STK36: variants seen among roughly 807,000 people sequenced by gnomAD.
The protein encoded by STK36 is serine/threonine kinase 36.
A neutral mutation model predicts 142.2 loss-of-function variants in STK36; 116 were observed. That is an observed-to-expected ratio of 0.82 (90% confidence interval 0.70 to 0.95). The LOEUF (loss-of-function observed/expected upper bound fraction) is 0.95. Among genes scored for constraint, STK36 ranks in the 40% least tolerant of loss-of-function variants. The pLI is 0.00. For missense variants in STK36, 1,422 were observed against 1,617.2 expected (o/e 0.88, Z 2.07); for synonymous variants, 619 against 641.7 (o/e 0.96, Z 0.53).
At chr2:218,688,985 C>A in intron 12 of STK36, 109 bp downstream of exon 12, 1 of 1,141,954 alleles carries the variant, frequency 8.8e-7, no homozygotes, top group Non-Finnish European at 1.2e-6. Flanking sequence ...TATTTTCTTT[C>A]CTCCTCTTTC....
At position 218,675,438 on chromosome 2, in the gene STK36, C is replaced by T. The variant is rs1346381376; in HGVS notation, c.399C>T (p.Leu133=). The change falls in exon 5 of 27, where the codon CTC becomes CTT. Residue 133 remains leucine (L), a synonymous_variant. Transcript: ENST00000295709. The part of the protein sequence containing the change: ...HRDMKPQNIL[L]AKGGGIKLCD... ...ATATGAAGCCTCAGAACATCCTCCTCGCCAAGGGTGGTGGCATCAAGCTCT... is the reference window on the plus strand; with the variant it reads ...ATATGAAGCCTCAGAACATCCTCCTTGCCAAGGGTGGTGGCATCAAGCTCT... 8.1e-6 allele frequency: 13 copies of T among 1,613,548 alleles called. No homozygotes were observed. The highest frequency in any genetic ancestry group is 4.5e-5 in the East Asian group (2 of 44,886).
At chr2:218,688,018 TGTG>T (rs1365725945) in intron 11 of STK36, among the ~76,000 whole-genome samples, 1 of 151,924 alleles carries the variant, frequency 6.6e-6, no homozygotes, top group Non-Finnish European at 1.5e-5. Context: ...ATTAGCTAGG[TGTG>T]GTGGTGGGCA....
intron 22 of STK36, 196 bp from the exon 23 acceptor site, chr2:218,696,843 C>G: frequency 1.1e-6 from 1 of 936,146 alleles, no homozygotes; most frequent in Non-Finnish European, 1.7e-6. Context: ...AGCAGACATA[C>G]ACATGAGTTG....
chr2:218,697,713 A>T, intron 24 of STK36, 103 bp downstream of exon 24: 1 of 1,589,924 alleles, frequency 6.3e-7, no homozygotes, highest in South Asian at 1.1e-5. Context: ...AGCAAGAAAG[A>T]TGAGATCAGG....
At position 218,688,856 on chromosome 2, in the gene STK36, G is replaced by T. The variant is rs745946569; in HGVS notation, c.1540G>T (p.Glu514Ter). ...GCTGAGTCTACTCAGGCACAGTCAG[G>T]AGAGCAACAGCCTCCAGCAGGTAAG... Reference protein sequence around the residue: ...LLLSLLRHSQESNSLQQQSWY... With the variant: ...LLLSLLRHSQ The change falls in exon 12 of 27, where the codon GAG (glutamate) becomes TAG (stop). Residue 514 changes from glutamate to a stop codon, truncating the protein, a stop_gained. Coordinates refer to ENST00000295709, the MANE Select transcript of STK36 (RefSeq NM_015690.5). LOFTEE classifies it high-confidence loss of function. 124 of 1,610,838 alleles carry T rather than the reference G, an allele frequency of 7.7e-5. No homozygotes were observed. Among genetic ancestry groups the T allele is most frequent in the Non-Finnish European group, 1.0e-4 (122 of 1,179,168 alleles).
intron 2 of STK36, chr2:218,673,120 A>G (rs923784777): frequency 3.8e-5 from 19 of 505,184 alleles, no homozygotes; most frequent in East Asian, 2.6e-4. Flanking sequence ...ATTATGGACA[A>G]ATTACTTAAC....
At chr2:218,675,661 A>G (rs188178304) in intron 5 of STK36, among the ~76,000 whole-genome samples, 188 bp downstream of exon 5, 144 of 151,560 alleles carry the variant, frequency 9.5e-4, no homozygotes, top group African/African-American at 3.1e-3. Flanking sequence ...AGTAGCTGGG[A>G]TTACAGGCAT....
rs1575144217 is a variant in STK36, at chr2:218,698,511, G to A, written c.3058-91G>A. The A allele has an allele frequency of 5.4e-6, 8 of 1,493,092 alleles. No homozygotes were observed. In the East Asian group the frequency reaches 1.8e-4, roughly 34 times the overall value. 92.5% of individuals were successfully genotyped at this position (1,493,092 alleles called of 1,614,324 possible). A position where few individuals can be genotyped will look rare whatever the true frequency, so the allele number is the denominator to read the frequency against. ...GCTCTCTGTGGCATTTCTCACCATA[G>A]CTTGGCTTTTCTCTCTCCCAGGTTT... On this transcript the variant is annotated intron_variant, in intron 25 of 26. Coordinates refer to ENST00000295709, the MANE Select transcript of STK36 (RefSeq NM_015690.5).
At chr2:218,673,827 C>T in intron 3 of STK36, 52 bp from the exon 4 acceptor site, 2 of 1,614,042 alleles carry the variant, frequency 1.2e-6, no homozygotes, top group East Asian at 2.2e-5. Context: ...AATTTCCCAA[C>T]CTCAGAATGC....
rs1941281059 is a variant in STK36, at chr2:218,697,501, ACCCAGGAG to A, written c.2804_2811del (p.Gln935ProfsTer38). 1.2e-6 allele frequency: 2 copies of A among 1,613,988 alleles called. No individual in the cohort carries two copies. Among genetic ancestry groups the A allele is most frequent in the Non-Finnish European group, 1.7e-6 (2 of 1,180,036 alleles). ...GCTGAGCCTGGCCATGGCCACCTTTACCCAGGAGCCCCAGTTATGCCTGAGCTGCCTGT... is the reference window on the plus strand; with the variant it reads ...GCTGAGCCTGGCCATGGCCACCTTTACCCCAGTTATGCCTGAGCTGCCTGT... On this transcript the variant is annotated frameshift_variant, in exon 24 of 27. Transcript: ENST00000295709. LOFTEE classifies it high-confidence loss of function.
rs142976480 is a variant in STK36 at position 218,694,542 on chromosome 2, A to G, written c.2418A>G (p.Leu806=). The change falls in exon 21 of 27, where the codon CTA becomes CTG. Residue 806 remains leucine (L), a synonymous_variant. Transcript: ENST00000295709. The surrounding 1 kb of genome is among the most constrained non-coding windows in gnomAD (Gnocchi z 4.4). Reference sequence around the variant, plus strand: ...TCCCACAGAGTGCAGCAGCCTGTCTATTGGGACAGCTTGGTCAGCAAGGGG... The same window carrying G: ...TCCCACAGAGTGCAGCAGCCTGTCTGTTGGGACAGCTTGGTCAGCAAGGGG... ...VVSLVSAAAC[L]LGQLGQQGVT... 1,217 of 1,614,156 alleles carry G rather than the reference A, an allele frequency of 7.5e-4. 7 individuals are homozygous for G. The African/African-American group carries it at 9.8e-3, about 13-fold the overall frequency.
intron 26 of STK36, among the ~76,000 whole-genome samples, chr2:218,699,645 T>C (rs1274182293): frequency 1.3e-5 from 2 of 152,102 alleles, no homozygotes; most frequent in African/African-American, 2.4e-5. Context: ...GATGCTGAGA[T>C]AGAGTAGTTT....
At chr2:218,687,564 G>A (rs1005446477) in intron 11 of STK36, among the ~76,000 whole-genome samples, 2 of 152,088 alleles carry the variant, frequency 1.3e-5, no homozygotes, top group Admixed American at 6.6e-5. Flanking sequence ...GCGCTAACAC[G>A]TTTTCCTCCT....
intron 10 of STK36, among the ~76,000 whole-genome samples, chr2:218,683,772 C>A (rs1245666372): frequency 6.6e-6 from 1 of 151,576 alleles, no homozygotes; most frequent in African/African-American, 2.4e-5. Context: ...GTGTGATGTT[C>A]CCCTTCCTGT....
In STK36 at chr2:218,697,859, A is replaced by G. The variant is rs538556100; in HGVS notation, c.2915A>G (p.His972Arg). Residue 972 changes from histidine (H) to arginine (R), a missense_variant, in exon 25 of 27, where the codon CAT becomes CGT. By Grantham distance (29) the His-to-Arg change is conservative (BLOSUM62 0). This residue lies in a region of STK36 where 962 missense variants were observed against 1,167.5 expected (regional missense o/e 0.82). Transcript: ENST00000295709. ...TTCGACATTCCTCTCCTTAGGCCTC[A>G]TGGGTCTGAGTTTCTCCCTGTCGTG... ...SFLNQLRQAPHGSEFLPVVVL... is the reference protein window; with the variant it reads ...SFLNQLRQAPRGSEFLPVVVL... 6.2e-7 allele frequency: 1 copy of G among 1,614,182 alleles called. No homozygotes were observed. Among genetic ancestry groups the G allele is most frequent in the Admixed American group, 1.7e-5 (1 of 60,024 alleles).
At chr2:218,677,296 A>G (rs1202983852) in intron 6 of STK36, among the ~76,000 whole-genome samples, 1 of 152,210 alleles carries the variant, frequency 6.6e-6, no homozygotes, top group Non-Finnish European at 1.5e-5. Flanking sequence ...GAGAACAGCA[A>G]GGGGGAAGTC....
intron 10 of STK36, among the ~76,000 whole-genome samples, chr2:218,680,987 A>G (rs1450682899): frequency 6.6e-6 from 1 of 152,204 alleles, no homozygotes; most frequent in Non-Finnish European, 1.5e-5. Flanking sequence ...AATTTCACAC[A>G]CATGCATAAG....
intron 6 of STK36, among the ~76,000 whole-genome samples, chr2:218,678,352 A>C (rs186573828): frequency 1.2e-3 from 181 of 152,260 alleles, no homozygotes; most frequent in African/African-American, 4.1e-3. Flanking sequence ...TTTATCTGAG[A>C]TGAAAAGGGA....
chr2:218,681,019 T>G (rs895552302), intron 10 of STK36, among the ~76,000 whole-genome samples: 9 of 152,218 alleles, frequency 5.9e-5, no homozygotes, highest in Non-Finnish European at 1.0e-4. Context: ...ATTTATAGTT[T>G]GCTGTTTTTA....
Sources: allele counts gnomAD v4.1 joint callset (sites outside exome capture counted in the v4.1 genomes callset), GRCh38; gene constraint gnomAD v4.1.1; regional missense constraint gnomAD v4.1.1; non-coding constraint Gnocchi (gnomAD v3.1); transcripts MANE v1.5; gene names NCBI Gene and HGNC (gene_info 2026-07-23, HGNC 2026-07-21).